The following CTNNA3 variants were observed in gnomAD, a reference collection of about 807,000 sequenced individuals.
The protein encoded by CTNNA3 is catenin alpha 3.
Under a neutral mutation model 95.7 loss-of-function variants are expected in CTNNA3, and 76 were observed. The ratio of observed to expected loss-of-function variants is 0.79; its 90% CI spans 0.66 to 0.96. The LOEUF (loss-of-function observed/expected upper bound fraction) is 0.96, where lower values mean the gene tolerates loss of function less well. CTNNA3 is among the 40% of genes least tolerant of loss of function. CTNNA3 has a pLI of 0.00. For missense variants in CTNNA3, 1,191 were observed against 1,089.8 expected (o/e 1.09, Z -1.31); for synonymous variants, 431 against 374.4 (o/e 1.15, Z -1.74).
chr10:67,002,731 A>G (rs765921605), intron 7 of CTNNA3, among the ~76,000 whole-genome samples: 6 of 150,238 alleles, frequency 4.0e-5, no homozygotes, highest in Non-Finnish European at 8.9e-5. Flanking sequence ...ACCAAGCAGA[A>G]TTTTTTTTTT....
At chr10:66,410,004 G>C (rs183024750) in intron 11 of CTNNA3, among the ~76,000 whole-genome samples, 2 of 152,262 alleles carry the variant, frequency 1.3e-5, no homozygotes, top group African/African-American at 4.8e-5. Context: ...TCAGTGGCCT[G>C]GCTTGCTCCA....
At chr10:66,383,976 C>T (rs1429351034) in intron 11 of CTNNA3, among the ~76,000 whole-genome samples, 1 of 152,148 alleles carries the variant, frequency 6.6e-6, no homozygotes, top group Admixed American at 6.5e-5. Flanking sequence ...CAACTGGTAC[C>T]AGCCACTGCA....
At chr10:66,528,539 G>C (rs982074454) in intron 10 of CTNNA3, among the ~76,000 whole-genome samples, 1 of 152,110 alleles carries the variant, frequency 6.6e-6, no homozygotes, top group African/African-American at 2.4e-5. Flanking sequence ...CTCTAGAAAT[G>C]TGTTCACATT....
rs1400729125 is a variant in CTNNA3 at position 65,916,577 on chromosome 10, T to G, written c.*3753A>C. 6.6e-6 allele frequency: 1 copy of G among 152,108 alleles called. No individual in the cohort carries two copies. Among genetic ancestry groups the G allele is most frequent in the Non-Finnish European group, 1.5e-5 (1 of 68,022 alleles). The allele number at this position is 152,108 out of a possible 1,614,324, so 9.4% of individuals were successfully genotyped here. ...CATTTGATACCAAAATTTAAGAATG[T>G]TTTGGGGAATAGAAAGACTAAAGGA... On this transcript the variant is annotated 3_prime_UTR_variant, in exon 18 of 18. Transcript: ENST00000433211.
intron 7 of CTNNA3, among the ~76,000 whole-genome samples, chr10:67,055,460 G>A (rs909074231): frequency 1.3e-5 from 2 of 152,072 alleles, no homozygotes; most frequent in Non-Finnish European, 2.9e-5. Context: ...AAAGCAAATA[G>A]GTAGGTGTTG....
intron 12 of CTNNA3, among the ~76,000 whole-genome samples, chr10:66,377,780 G>C (rs566361295): frequency 4.7e-4 from 71 of 152,200 alleles, no homozygotes; most frequent in African/African-American, 1.6e-3. Flanking sequence ...CTTAAATTTA[G>C]TTAGGGAAGA....
chr10:65,943,534 C>T (rs186002017), intron 17 of CTNNA3, among the ~76,000 whole-genome samples: 72 of 152,302 alleles, frequency 4.7e-4, no homozygotes, highest in African/African-American at 1.6e-3. Context: ...CTGCATGCAA[C>T]TAGCAGGGTG....
intron 11 of CTNNA3, among the ~76,000 whole-genome samples, chr10:66,387,584 C>T (rs925135108): frequency 2.0e-4 from 30 of 152,140 alleles, no homozygotes; most frequent in African/African-American, 7.0e-4. Context: ...ACCCAGCAAT[C>T]CCATTACTGG....
chr10:66,346,566 C>T (rs926982766), intron 12 of CTNNA3, among the ~76,000 whole-genome samples: 2 of 151,846 alleles, frequency 1.3e-5, no homozygotes, highest in Non-Finnish European at 2.9e-5. Context: ...CGTGAGCCAC[C>T]GCACCTGGCC....
intron 12 of CTNNA3, among the ~76,000 whole-genome samples, chr10:66,316,215 G>C (rs2092097785): frequency 6.6e-6 from 1 of 151,992 alleles, no homozygotes; most frequent in African/African-American, 2.4e-5. Context: ...TGACAGTGGT[G>C]GTAAAGGTAG....
At chr10:67,235,238 G>T (rs1365752279) in intron 5 of CTNNA3, among the ~76,000 whole-genome samples, 1 of 151,380 alleles carries the variant, frequency 6.6e-6, no homozygotes, top group Non-Finnish European at 1.5e-5. Context: ...AAAGCTGGAG[G>T]CATCACACTA....
At chr10:66,802,506 T>A (rs1448682404) in intron 7 of CTNNA3, among the ~76,000 whole-genome samples, 1 of 151,894 alleles carries the variant, frequency 6.6e-6, no homozygotes, top group Non-Finnish European at 1.5e-5. Flanking sequence ...TTGGCAAGGA[T>A]GTGGAACAAT....
At chr10:67,519,586 A>G (rs1036338503) in intron 5 of CTNNA3, among the ~76,000 whole-genome samples, 5 of 152,154 alleles carry the variant, frequency 3.3e-5, no homozygotes, top group African/African-American at 9.6e-5. Flanking sequence ...CAACACCACC[A>G]ATAATATTTA....
intron 7 of CTNNA3, among the ~76,000 whole-genome samples, chr10:66,971,763 C>A (rs1236195403): frequency 6.6e-6 from 1 of 152,104 alleles, no homozygotes; most frequent in African/African-American, 2.4e-5. Context: ...AGAAAATATA[C>A]CATAAACATA....
chr10:66,333,335 A>G (rs913527610), intron 12 of CTNNA3, among the ~76,000 whole-genome samples: 1 of 151,724 alleles, frequency 6.6e-6, no homozygotes, highest in African/African-American at 2.4e-5. Context: ...TGTCAATTTT[A>G]GATCTTTCCT....
intron 12 of CTNNA3, among the ~76,000 whole-genome samples, chr10:66,365,105 C>A (rs956094732): frequency 6.6e-6 from 1 of 152,016 alleles, no homozygotes; most frequent in African/African-American, 2.4e-5. Context: ...TATATGTGCA[C>A]TAAAAATGTG....
chr10:66,515,369 T>C (rs936758586), intron 11 of CTNNA3, among the ~76,000 whole-genome samples: 1 of 150,326 alleles, frequency 6.7e-6, no homozygotes, highest in African/African-American at 2.4e-5. Context: ...AGTATTAGTA[T>C]TGACTCCTGA....
At chr10:67,555,197 A>G (rs1046906460) in intron 3 of CTNNA3, among the ~76,000 whole-genome samples, 7 of 152,142 alleles carry the variant, frequency 4.6e-5, no homozygotes, top group Non-Finnish European at 1.0e-4. Flanking sequence ...TGATGCCTCC[A>G]GCTTTGTTCT....
chr10:67,464,803 G>A (rs1349433444), intron 5 of CTNNA3, among the ~76,000 whole-genome samples: 1 of 150,478 alleles, frequency 6.6e-6, no homozygotes, highest in African/African-American at 2.4e-5. Context: ...TTTTGTTTTT[G>A]TTTTACCTAA....
Sources: allele counts gnomAD v4.1 joint callset (sites outside exome capture counted in the v4.1 genomes callset), GRCh38; gene constraint gnomAD v4.1.1; transcripts MANE v1.5; gene names NCBI Gene and HGNC (gene_info 2026-07-23, HGNC 2026-07-21).